Variants in HPSE2 observed in about 807,000 individuals in gnomAD.
HPSE2 encodes the protein inactive heparanase-2.
HPSE2 carries 38 observed loss-of-function variants against 60.5 expected under a neutral mutation model. That is an observed-to-expected ratio of 0.63 (90% confidence interval 0.48 to 0.82). HPSE2 has a LOEUF of 0.82. Ranked by LOEUF, HPSE2 falls within the 40% of genes least tolerant of loss-of-function variation. The probability of loss-of-function intolerance (pLI) is 0.00; values close to 1 mark genes in which losing one functional copy is unlikely to be tolerated. For synonymous variants in HPSE2, 295 were observed against 293.2 expected (o/e 1.01, Z -0.06); for missense variants, 713 against 740.4 (o/e 0.96, Z 0.43).
intron 2 of HPSE2, among the ~76,000 whole-genome samples, chr10:99,151,271 A>G (rs1290012761): frequency 1.3e-5 from 2 of 152,096 alleles, no homozygotes; most frequent in Non-Finnish European, 2.9e-5. Context: ...GAACTTAAAG[A>G]TAGGTGAATA....
chr10:98,513,466 G>A (rs1023541274), intron 9 of HPSE2, among the ~76,000 whole-genome samples: 7 of 152,128 alleles, frequency 4.6e-5, no homozygotes, highest in African/African-American at 7.2e-5. Context: ...TTGAATTACA[G>A]TCCAGAGGGT....
In HPSE2 at chr10:99,235,511, A is replaced by G; in HGVS notation, c.290+2T>C. ...AATGATCCATCGAAACCCCTGCCTTACCTTAGGAAATCGAGCCAGCCATCA... is the reference window on the plus strand; with the variant it reads ...AATGATCCATCGAAACCCCTGCCTTGCCTTAGGAAATCGAGCCAGCCATCA... On this transcript the variant is annotated splice_donor_variant, in intron 1 of 11. Transcript: ENST00000370552. LOFTEE classifies it high-confidence loss of function. 2 of 1,614,042 alleles carry G rather than the reference A, an allele frequency of 1.2e-6. No homozygotes were observed. The highest frequency in any genetic ancestry group is 2.2e-5 in the South Asian group (2 of 91,066).
At chr10:98,544,755 A>C (rs1377678811) in intron 9 of HPSE2, among the ~76,000 whole-genome samples, 4 of 150,650 alleles carry the variant, frequency 2.7e-5, no homozygotes, top group Non-Finnish European at 5.9e-5. Flanking sequence ...CTAGAGAAGC[A>C]AGAGCAAACA....
intron 3 of HPSE2, among the ~76,000 whole-genome samples, chr10:98,883,050 C>A (rs1953068906): frequency 6.6e-6 from 1 of 152,008 alleles, no homozygotes; most frequent in South Asian, 2.1e-4. Context: ...AGCAGTTTTG[C>A]ATGGAGAGGA....
chr10:98,477,059 T>C (rs1941052939), intron 11 of HPSE2, among the ~76,000 whole-genome samples: 1 of 152,124 alleles, frequency 6.6e-6, no homozygotes, highest in African/African-American at 2.4e-5. Flanking sequence ...AGAGTAAGGG[T>C]CAGGGGAACT....
intron 7 of HPSE2, among the ~76,000 whole-genome samples, chr10:98,633,989 C>T (rs573618850): frequency 3.9e-5 from 6 of 152,136 alleles, no homozygotes; most frequent in African/African-American, 1.4e-4. Flanking sequence ...AAATATTATT[C>T]GGGGCCACAA....
the HPSE2 span, among the ~76,000 whole-genome samples, chr10:99,296,415 C>T: frequency 1.3e-5 from 2 of 152,356 alleles, no homozygotes; most frequent in East Asian, 3.9e-4. Context: ...CTGCCCCTTT[C>T]TGCGGAAATG....
At chr10:98,639,988 T>C (rs542761592) in intron 7 of HPSE2, among the ~76,000 whole-genome samples, 1 of 152,338 alleles carries the variant, frequency 6.6e-6, no homozygotes, top group South Asian at 2.1e-4. Flanking sequence ...TCAATAAATA[T>C]TTATTGAATG....
chr10:98,543,825 G>A (rs1943559760), intron 9 of HPSE2, among the ~76,000 whole-genome samples: 1 of 152,226 alleles, frequency 6.6e-6, no homozygotes, highest in East Asian at 1.9e-4. Context: ...CCAGATTCAT[G>A]AAGCAAGTCC....
At chr10:99,044,387 T>C (rs1957808135) in intron 3 of HPSE2, among the ~76,000 whole-genome samples, 1 of 152,186 alleles carries the variant, frequency 6.6e-6, no homozygotes, top group Non-Finnish European at 1.5e-5. Flanking sequence ...TAACAACACC[T>C]GCTACCACAT....
intron 3 of HPSE2, among the ~76,000 whole-genome samples, chr10:99,007,220 C>G (rs544556782): frequency 6.6e-6 from 1 of 152,170 alleles, no homozygotes; most frequent in East Asian, 1.9e-4. Context: ...CAAGATGAGC[C>G]TAGACATTGA....
chr10:98,904,985 A>G (rs1183632439), intron 3 of HPSE2, among the ~76,000 whole-genome samples: 1 of 152,190 alleles, frequency 6.6e-6, no homozygotes, highest in East Asian at 1.9e-4. Flanking sequence ...ATAAAAATGT[A>G]AAGTATTTTC....
upstream of HPSE2, among the ~76,000 whole-genome samples, chr10:99,240,647 C>T (rs1277882349): frequency 1.3e-5 from 2 of 151,992 alleles, no homozygotes; most frequent in Non-Finnish European, 2.9e-5. Context: ...CTCCTGACCT[C>T]GCGATCTGCC....
At chr10:98,821,408 A>G (rs1951419757) in intron 3 of HPSE2, among the ~76,000 whole-genome samples, 1 of 152,220 alleles carries the variant, frequency 6.6e-6, no homozygotes, top group Non-Finnish European at 1.5e-5. Flanking sequence ...TGTATATTTA[A>G]ACATATCTCA....
At chr10:98,642,466 A>T (rs917932781) in intron 6 of HPSE2, among the ~76,000 whole-genome samples, 56 of 152,224 alleles carry the variant, frequency 3.7e-4, no homozygotes, top group Admixed American at 2.9e-3. Flanking sequence ...CTCTGTAGTC[A>T]ACCTACTACC....
At chr10:99,043,255 C>T (rs11189950) in intron 3 of HPSE2, among the ~76,000 whole-genome samples, 79,635 of 151,744 alleles carry the variant, frequency 0.52, 22,728 homozygotes, top group Non-Finnish European at 0.64. Context: ...GAGGCCAAGG[C>T]GGGTGGATCA....
At chr10:98,659,242 T>A (rs924443420) in intron 6 of HPSE2, among the ~76,000 whole-genome samples, 14 of 152,176 alleles carry the variant, frequency 9.2e-5, no homozygotes, top group Non-Finnish European at 2.1e-4. Context: ...CCACACATAG[T>A]CAGGTCTTGC....
At chr10:99,006,606 A>T (rs978703541) in intron 3 of HPSE2, among the ~76,000 whole-genome samples, 1 of 150,830 alleles carries the variant, frequency 6.6e-6, no homozygotes, top group Non-Finnish European at 1.5e-5. Context: ...CCTAGAACCT[A>T]TATCTGTGAT....
Position 98,594,949 on chromosome 10 carries a change from T to C in HPSE2, c.1320+19955A>G, listed in dbSNP as rs575119264. On this transcript the variant is annotated intron_variant, in intron 9 of 11. Coordinates refer to ENST00000370552, the MANE Select transcript of HPSE2 (RefSeq NM_021828.5). ...GTGTGCAAAGGATGTTCTTTTTTGA[T>C]AGGATGAATTTTGATAGAGATTGCA... is the stretch of plus-strand genomic sequence containing the variant. Among the ~76,000 whole-genome samples, 22 of 152,252 alleles carry C rather than the reference T, an allele frequency of 1.4e-4. No individual in the cohort carries two copies. The East Asian group carries it at 4.3e-3, about 29-fold the overall frequency.
Sources: gnomAD v4.1 joint callset for allele counts (sites outside exome capture counted in the v4.1 genomes callset) on GRCh38, gnomAD v4.1.1 for gene constraint, MANE v1.5 for transcripts, NCBI Gene and HGNC (gene_info 2026-07-23, HGNC 2026-07-21) for gene names.